Variants in CD99 observed in about 807,000 individuals in gnomAD.
CD99 encodes CD99 molecule (Xg blood group).
Under a neutral mutation model 28.4 loss-of-function variants are expected in CD99, and 19 were observed. The ratio of observed to expected loss-of-function variants is 0.67; its 90% CI spans 0.47 to 0.98. The LOEUF (loss-of-function observed/expected upper bound fraction) is 0.98, where lower values mean the gene tolerates loss of function less well. Among genes scored for constraint, CD99 ranks in the 50% least tolerant of loss-of-function variants. The pLI is 0.00. For missense variants in CD99, 283 were observed against 248.8 expected, an observed-to-expected ratio of 1.14 and a Z score of -0.92; for synonymous variants, 103 against 92.1, an observed-to-expected ratio of 1.12 and a Z score of -0.67.
chrX:2,719,357 A>C (rs777112942), intron 3 of CD99: 1 of 397,126 alleles, frequency 2.5e-6, no homozygotes, highest in Admixed American at 4.2e-5. Context: ...TGGTCCAGGC[A>C]ACACAATTCA....
At position 2,729,379 on chromosome X, in the gene CD99, A is replaced by T. The variant is rs183636840; in HGVS notation, c.475+3006A>T. On this transcript the variant is annotated intron_variant, in intron 8 of 9. Transcript: ENST00000381192. ...AGAACTGCCTAAGACTGGATAATTC[A>T]TGAAGGAAAGAGGATTCATTGATTC... 3.9e-5 allele frequency among the ~76,000 whole-genome samples: 6 copies of T among 152,296 alleles called. No homozygotes were observed. In the East Asian group the frequency reaches 1.2e-3, roughly 29 times the overall value.
At chrX:2,721,745 T>C (rs1473254070) in intron 5 of CD99, among the ~76,000 whole-genome samples, 1 of 152,248 alleles carries the variant, frequency 6.6e-6, no homozygotes, top group Non-Finnish European at 1.5e-5. Flanking sequence ...TTACTGATAA[T>C]CATGTACTAT....
chrX:2,693,310 G>T (rs776273732), intron 1 of CD99, among the ~76,000 whole-genome samples: 8 of 131,396 alleles, frequency 6.1e-5, no homozygotes, highest in African/African-American at 2.0e-4. Context: ...AGCTGCTGAT[G>T]CTTTGAGTAA....
chrX:2,727,325 G>T (rs311083), intron 8 of CD99: 3 of 778,512 alleles, frequency 3.9e-6, no homozygotes, highest in African/African-American at 1.7e-5. Flanking sequence ...ACCTTGTATT[G>T]GGATCCGCCG....
chrX:2,720,558 C>A, intron 5 of CD99, 134 bp downstream of exon 5: 13 of 566,272 alleles, frequency 2.3e-5, no homozygotes, highest in East Asian at 7.1e-5. Context: ...TGCCCATGTT[C>A]ATGTAATGGA....
chrX:2,712,183 A>G (rs1264352466), intron 1 of CD99, among the ~76,000 whole-genome samples: 2 of 152,146 alleles, frequency 1.3e-5, no homozygotes, highest in Non-Finnish European at 2.9e-5. Context: ...CACTGAACTC[A>G]CAGAAGCAGA....
intron 7 of CD99, 53 bp downstream of exon 7, chrX:2,723,417 G>A: frequency 3.1e-6 from 5 of 1,595,398 alleles, no homozygotes; most frequent in Non-Finnish European, 4.3e-6. Context: ...TGTTGAGAAG[G>A]GGAAGCAGAA....
chrX:2,740,801 A>G lies in CD99; in HGVS notation c.555A>G (p.Lys185=). ...EPAVQRTLLE[K] ...CAGTTCAGCGTACTCTTTTAGAGAA[A>G]TAGAAGATTGTCGGCAGAAACAGCC... is the stretch of plus-strand genomic sequence containing the variant. Residue 185 remains lysine, a synonymous_variant, in exon 10 of 10, where the codon AAA becomes AAG. Transcript: ENST00000381192. 1 of 1,613,966 alleles carries G rather than the reference A, an allele frequency of 6.2e-7. No individual in the cohort carries two copies. The highest frequency in any genetic ancestry group is 8.5e-7 in the Non-Finnish European group (1 of 1,179,862).
chrX:2,721,037 T>C (rs2048970258), intron 5 of CD99, among the ~76,000 whole-genome samples: 3 of 152,210 alleles, frequency 2.0e-5, no homozygotes, highest in Admixed American at 2.0e-4. Context: ...ACACATTCCT[T>C]GTGGAGAAGC....
Position 2,738,300 on chromosome X carries a change from TC to T in CD99, c.532+47del, listed in dbSNP as rs777754150. ...GATGGCTTGCACACGTGGCCAGTGT[TC>T]CCATTTTATCTTCTCCATCCTCTCC... On this transcript the variant is annotated intron_variant, in intron 9 of 9. Transcript: ENST00000381192. 156 of 1,566,432 alleles carry T rather than the reference TC, an allele frequency of 1.0e-4. 1 individual carries two copies. The East Asian group carries it at 3.5e-3, about 35-fold the overall frequency.
intron 1 of CD99, among the ~76,000 whole-genome samples, chrX:2,708,780 G>A (rs1397863871): frequency 3.9e-5 from 6 of 152,116 alleles, no homozygotes; most frequent in African/African-American, 1.2e-4. Flanking sequence ...CTTGGGGTCC[G>A]GGGAGCAGTG....
At chrX:2,727,671 C>G (rs1271855125) in intron 8 of CD99, among the ~76,000 whole-genome samples, 1 of 152,010 alleles carries the variant, frequency 6.6e-6, no homozygotes, top group African/African-American at 2.4e-5. Flanking sequence ...GAGATGGGGT[C>G]TCACCATGTT....
At chrX:2,693,144 G>T (rs1055139501) in intron 1 of CD99, among the ~76,000 whole-genome samples, 33 of 148,082 alleles carry the variant, frequency 2.2e-4, no homozygotes, top group African/African-American at 7.2e-4. Flanking sequence ...TTTGTTGGTG[G>T]TGGTGGTTTT....
intron 1 of CD99, among the ~76,000 whole-genome samples, chrX:2,693,324 G>T (rs1203504509): frequency 1.6e-5 from 2 of 124,218 alleles, no homozygotes; most frequent in Non-Finnish European, 3.2e-5. Context: ...TGAGTAAAGG[G>T]AAGAGTACCT....
At position 2,695,668 on chromosome X, in the gene CD99, G is replaced by C. The variant is rs747548460; in HGVS notation, c.67+4241G>C. Reference sequence around the variant, plus strand: ...TTTTTTTTTGAGACAGTGTCTCACTGTGTCACCCAGGCTGGAGTGCAATGG... The same window carrying C: ...TTTTTTTTTGAGACAGTGTCTCACTCTGTCACCCAGGCTGGAGTGCAATGG... On this transcript the variant is annotated intron_variant, in intron 1 of 9. Coordinates refer to ENST00000381192, the MANE Select transcript of CD99 (RefSeq NM_002414.5). 3.3e-3 allele frequency among the ~76,000 whole-genome samples: 481 copies of C among 144,462 alleles called. 1 individual carries two copies. The highest frequency in any genetic ancestry group is 4.5e-3 in the Non-Finnish European group (300 of 66,376). 94.8% of individuals were successfully genotyped at this position (144,462 alleles called of 152,430 possible). A position where few individuals can be genotyped will look rare whatever the true frequency, so the allele number is the denominator to read the frequency against.
At chrX:2,727,396 ACTTACATTTAGCT>A (rs1481621646) in intron 8 of CD99, 5 of 767,662 alleles carry the variant, frequency 6.5e-6, no homozygotes, top group Non-Finnish European at 1.2e-5. Flanking sequence ...ATCACTGGGC[ACTTACATTTAGCT>A]CTTGCCTTCC....
At chrX:2,693,975 T>A (rs1199136466) in intron 1 of CD99, among the ~76,000 whole-genome samples, 1 of 152,150 alleles carries the variant, frequency 6.6e-6, no homozygotes, top group African/African-American at 2.4e-5. Flanking sequence ...AAAGAATTCA[T>A]CTGGTCCCAA....
At chrX:2,693,766 G>C (rs1251027327) in intron 1 of CD99, among the ~76,000 whole-genome samples, 2 of 152,112 alleles carry the variant, frequency 1.3e-5, no homozygotes, top group Non-Finnish European at 2.9e-5. Flanking sequence ...GAGGTGTATA[G>C]AGGAAAAGAG....
At chrX:2,693,677 G>T (rs2124451184) in intron 1 of CD99, among the ~76,000 whole-genome samples, 1 of 152,204 alleles carries the variant, frequency 6.6e-6, no homozygotes, top group South Asian at 2.1e-4. Context: ...TCAGAGTGTT[G>T]GGGACCCTGT....
Sources: gnomAD v4.1 joint callset for allele counts (sites outside exome capture counted in the v4.1 genomes callset) on GRCh38, gnomAD v4.1.1 for gene constraint, MANE v1.5 for transcripts, NCBI Gene and HGNC (gene_info 2026-07-23, HGNC 2026-07-21) for gene names.